The following FOXP1 variants were observed in gnomAD, a reference collection of about 807,000 sequenced individuals.
The protein encoded by FOXP1 is forkhead box P1.
FOXP1 carries 15 observed loss-of-function variants against 98.2 expected under a neutral mutation model. That is an observed-to-expected ratio of 0.15 (90% CI 0.10 to 0.24). FOXP1 has a LOEUF of 0.24. Among genes scored for constraint, FOXP1 ranks in the 10% least tolerant of loss-of-function variants. The pLI, the probability that FOXP1 is intolerant of heterozygous loss-of-function variation, is 1.00. For missense variants in FOXP1, 633 were observed against 848.5 expected, an observed-to-expected ratio of 0.75 and a Z score of 3.15; for synonymous variants, 371 against 314.5, an observed-to-expected ratio of 1.18 and a Z score of -1.90.
At chr3:71,092,368 T>C (rs1228490280) in intron 7 of FOXP1, among the ~76,000 whole-genome samples, 1 of 151,684 alleles carries the variant, frequency 6.6e-6, no homozygotes. Flanking sequence ...AGAAGGAGGC[T>C]CCATCTCAAA....
At position 71,476,536 on chromosome 3, in the gene FOXP1, T is replaced by C. The variant is rs1309451826; in HGVS notation, c.-168+16890A>G. Among the ~76,000 whole-genome samples the C allele has an allele frequency of 3.3e-5, 5 of 152,100 alleles. No homozygotes were observed. The East Asian group carries it at 9.6e-4, about 29-fold the overall frequency. On this transcript the variant is annotated intron_variant, in intron 3 of 20. Coordinates refer to ENST00000649528, the MANE Select transcript of FOXP1 (RefSeq NM_001349338.3). ...GTTATGGGTAAAATTTCATGCCATT[T>C]TGTTATTGCAATGGCGCGATCTCAG...
chr3:70,994,496 A>G (rs2041087201), intron 13 of FOXP1, among the ~76,000 whole-genome samples: 2 of 152,152 alleles, frequency 1.3e-5, no homozygotes, highest in Non-Finnish European at 2.9e-5. Context: ...GTCCTTGCCA[A>G]CAACCCTTTC....
At chr3:71,523,393 C>T (rs1244187630) in intron 2 of FOXP1, among the ~76,000 whole-genome samples, 1 of 152,196 alleles carries the variant, frequency 6.6e-6, no homozygotes, top group African/African-American at 2.4e-5. Flanking sequence ...GGATGGGCCC[C>T]ACTGCTGAAG....
chr3:71,084,475 T>A (rs1040460909), intron 7 of FOXP1, among the ~76,000 whole-genome samples: 1 of 152,178 alleles, frequency 6.6e-6, no homozygotes, highest in Non-Finnish European at 1.5e-5. Flanking sequence ...CTCTGCCAAA[T>A]TATGATAATC....
intron 3 of FOXP1, among the ~76,000 whole-genome samples, chr3:71,482,019 A>G (rs9853081): frequency 0.43 from 65,556 of 151,958 alleles, 14,960 homozygotes; most frequent in Non-Finnish European, 0.48. Flanking sequence ...GAGGATTTGC[A>G]GCATCTTCTC....
At chr3:71,354,150 C>CAA (rs541215729) in intron 4 of FOXP1, among the ~76,000 whole-genome samples, 3,139 of 129,046 alleles carry the variant, frequency 0.024, 119 homozygotes, top group Admixed American at 0.088. Context: ...ATTAAAAATA[C>CAA]AAAAAAAAAA....
At chr3:71,048,852 T>C (rs550711047) in intron 9 of FOXP1, among the ~76,000 whole-genome samples, 41 of 152,212 alleles carry the variant, frequency 2.7e-4, no homozygotes, top group African/African-American at 9.4e-4. Context: ...TGCCTTACTG[T>C]AAATGAAATG....
intron 3 of FOXP1, among the ~76,000 whole-genome samples, chr3:71,479,925 C>T (rs966199787): frequency 4.6e-5 from 7 of 151,920 alleles, no homozygotes; most frequent in African/African-American, 9.7e-5. Flanking sequence ...AGGCTGGGTA[C>T]GGTGGCTCAC....
chr3:71,196,844 G>C (rs892971826), intron 6 of FOXP1, among the ~76,000 whole-genome samples: 2 of 152,150 alleles, frequency 1.3e-5, no homozygotes, highest in African/African-American at 4.8e-5. Flanking sequence ...AGTGGTGCAG[G>C]CACAAATGGG....
intron 2 of FOXP1, among the ~76,000 whole-genome samples, chr3:71,506,223 G>A (rs1001458738): frequency 4.6e-5 from 7 of 152,096 alleles, no homozygotes; most frequent in Admixed American, 1.3e-4. Context: ...CCTGGGGTCC[G>A]ATCCTGGCTG....
At chr3:71,175,005 C>G (rs1177616813) in intron 6 of FOXP1, among the ~76,000 whole-genome samples, 1 of 151,874 alleles carries the variant, frequency 6.6e-6, no homozygotes. Context: ...CCTCCGCCCC[C>G]GGGTTCAAGC....
intron 14 of FOXP1, among the ~76,000 whole-genome samples, chr3:70,984,082 T>C (rs897902255): frequency 1.3e-5 from 2 of 152,226 alleles, no homozygotes; most frequent in African/African-American, 4.8e-5. Flanking sequence ...TCTTTTAAAA[T>C]AACAAGAAAT....
intron 6 of FOXP1, among the ~76,000 whole-genome samples, chr3:71,173,561 T>A (rs989150745): frequency 2.6e-5 from 4 of 152,172 alleles, no homozygotes; most frequent in African/African-American, 9.7e-5. Context: ...AGGCCAAAGT[T>A]AAGATGCTAC....
At chr3:71,247,685 TCTGATGACACTAGC>T (rs2067859911) in intron 5 of FOXP1, among the ~76,000 whole-genome samples, 1 of 152,198 alleles carries the variant, frequency 6.6e-6, no homozygotes, top group South Asian at 2.1e-4. Context: ...CTCCCCTTTC[TCTGATGACACTAGC>T]CTGATTTTTC....
chr3:71,500,706 T>A (rs2041272098), intron 2 of FOXP1, among the ~76,000 whole-genome samples: 1 of 152,224 alleles, frequency 6.6e-6, no homozygotes, highest in Non-Finnish European at 1.5e-5. Flanking sequence ...AAGAAAGAGT[T>A]GGTCTCTCTT....
At chr3:71,144,352 T>C (rs934264141) in intron 6 of FOXP1, among the ~76,000 whole-genome samples, 1 of 152,124 alleles carries the variant, frequency 6.6e-6, no homozygotes, top group Non-Finnish European at 1.5e-5. Flanking sequence ...CAACCCAGCA[T>C]GCAAGGCAGC....
chr3:71,161,463 C>T (rs1433817345), intron 6 of FOXP1, among the ~76,000 whole-genome samples: 1 of 152,190 alleles, frequency 6.6e-6, no homozygotes, highest in African/African-American at 2.4e-5. Flanking sequence ...CAAGCATGTT[C>T]CTACAGAACA....
intron 2 of FOXP1, among the ~76,000 whole-genome samples, chr3:71,505,699 A>C (rs1394544802): frequency 6.6e-6 from 1 of 152,182 alleles, no homozygotes; most frequent in Non-Finnish European, 1.5e-5. Flanking sequence ...TGCTGGGATT[A>C]CAGGCGTGAG....
At chr3:71,304,787 C>T (rs1304201286) in intron 4 of FOXP1, 1 of 152,042 alleles carries the variant, frequency 6.6e-6, no homozygotes, top group Non-Finnish European at 1.5e-5. Context: ...GACACAAGTC[C>T]CTACATATTT....
Sources: allele counts gnomAD v4.1 joint callset (sites outside exome capture counted in the v4.1 genomes callset), GRCh38; gene constraint gnomAD v4.1.1; transcripts MANE v1.5; gene names NCBI Gene and HGNC (gene_info 2026-07-23, HGNC 2026-07-21).